STYX: variants seen among roughly 807,000 people sequenced by gnomAD.
STYX encodes the protein serine/threonine/tyrosine interacting protein.
A neutral mutation model predicts 42.7 loss-of-function variants in STYX; 20 were observed. The ratio of observed to expected loss-of-function variants is 0.47; its 90% CI spans 0.33 to 0.68. STYX has a LOEUF of 0.68. Among genes scored for constraint, STYX ranks in the 30% least tolerant of loss-of-function variants. The probability of loss-of-function intolerance (pLI) is 0.02; values close to 1 mark genes in which losing one functional copy is unlikely to be tolerated. For missense variants in STYX, 226 were observed against 268.5 expected (o/e 0.84, Z 1.11); for synonymous variants, 78 against 81.9 (o/e 0.95, Z 0.26).
intron 3 of STYX, 81 bp from the exon 4 acceptor site, chr14:52,750,602 C>A: frequency 1.1e-6 from 1 of 920,486 alleles, no homozygotes; most frequent in Non-Finnish European, 1.6e-6. Flanking sequence ...TTTCAAACAT[C>A]TGTGTTATAT....
intron 3 of STYX, among the ~76,000 whole-genome samples, chr14:52,750,463 C>T (rs1881566938): frequency 6.6e-6 from 1 of 151,978 alleles, no homozygotes; most frequent in Non-Finnish European, 1.5e-5. Context: ...ATGAAATATC[C>T]CTGTTAACCT....
chr14:52,739,632 C>CTTTTTTTTTTTTT (rs58454717), intron 1 of STYX, among the ~76,000 whole-genome samples: 10 of 65,728 alleles, frequency 1.5e-4, no homozygotes, highest in African/African-American at 3.2e-4. Context: ...TCCTTTCTTT[C>CTTTTTTTTTTTTT]TTTTTTTTTT....
At chr14:52,737,097 G>A (rs1880985371) in intron 1 of STYX, among the ~76,000 whole-genome samples, 1 of 152,010 alleles carries the variant, frequency 6.6e-6, no homozygotes, top group African/African-American at 2.4e-5. Context: ...TACAATTTGT[G>A]TTTTATTTTA....
intron 7 of STYX, 24 bp downstream of exon 7, chr14:52,757,806 C>T (rs1376503200): frequency 6.2e-7 from 1 of 1,612,672 alleles, no homozygotes. Context: ...AATAATCTTT[C>T]TTTCTATAAC....
chr14:52,770,425 A>C lies in STYX; in HGVS notation c.599-608A>C, dbSNP rs567202376. Among the ~76,000 whole-genome samples, 40 of 152,202 alleles carry C rather than the reference A, an allele frequency of 2.6e-4. No homozygotes were observed. In the South Asian group the frequency reaches 7.7e-3, roughly 29 times the overall value. On this transcript the variant is annotated intron_variant, in intron 10 of 10. Transcript: ENST00000354586. The stretch of plus-strand genomic sequence containing the variant: ...TAAAGTTTTCCTCCATTGAGAGTCT[A>C]ATTTCTTGATTATAACTTTTGGGGA...
chr14:52,744,719 C>A, intron 1 of STYX, 133 bp from the exon 2 acceptor site: 1 of 784,902 alleles, frequency 1.3e-6, no homozygotes, highest in Non-Finnish European at 2.0e-6. Context: ...ACCAAGTCTG[C>A]TATTTTAATA....
chr14:52,756,079 G>A (rs1479549520), intron 4 of STYX, among the ~76,000 whole-genome samples: 1 of 152,072 alleles, frequency 6.6e-6, no homozygotes, highest in East Asian at 1.9e-4. Flanking sequence ...GAGTGCAGTG[G>A]CCCAATCACA....
chr14:52,764,062 G>A (rs180737080), intron 9 of STYX, among the ~76,000 whole-genome samples: 4 of 151,898 alleles, frequency 2.6e-5, no homozygotes, highest in Non-Finnish European at 5.9e-5. Context: ...GTGCGATCTC[G>A]GCTCACTGCA....
intron 1 of STYX, among the ~76,000 whole-genome samples, chr14:52,738,072 G>A (rs930513620): frequency 1.2e-4 from 19 of 152,268 alleles, no homozygotes; most frequent in South Asian, 8.3e-4. Flanking sequence ...CACTGTGCCC[G>A]GCCAACAGGC....
chr14:52,738,033 C>G (rs1046232295), intron 1 of STYX, among the ~76,000 whole-genome samples: 2 of 152,164 alleles, frequency 1.3e-5, no homozygotes, highest in African/African-American at 4.8e-5. Context: ...TCCTTGGCCT[C>G]CCAAAGTGCT....
intron 1 of STYX, among the ~76,000 whole-genome samples, chr14:52,737,584 G>T (rs1380629930): frequency 6.6e-6 from 1 of 152,174 alleles, no homozygotes; most frequent in East Asian, 1.9e-4. Flanking sequence ...ATAGATCATT[G>T]CTGGTGATAT....
At chr14:52,747,884 C>T (rs980482379) in intron 3 of STYX, among the ~76,000 whole-genome samples, 2 of 152,138 alleles carry the variant, frequency 1.3e-5, no homozygotes, top group African/African-American at 4.8e-5. Flanking sequence ...CCCAGCTACT[C>T]GCGAGGCTGA....
At chr14:52,760,628 C>T (rs192263568) in intron 9 of STYX, among the ~76,000 whole-genome samples, 1 of 152,172 alleles carries the variant, frequency 6.6e-6, no homozygotes, top group Non-Finnish European at 1.5e-5. Flanking sequence ...TTATAGTTAC[C>T]AAGGTTTAAA....
intron 10 of STYX, among the ~76,000 whole-genome samples, chr14:52,769,387 C>T (rs1882430215): frequency 6.6e-6 from 1 of 152,106 alleles, no homozygotes; most frequent in Non-Finnish European, 1.5e-5. Context: ...GTGTTTATCA[C>T]CTTTGTTTCT....
At chr14:52,768,553 G>A (rs773275904) in intron 9 of STYX, among the ~76,000 whole-genome samples, 5 of 152,078 alleles carry the variant, frequency 3.3e-5, no homozygotes, top group African/African-American at 4.8e-5. Flanking sequence ...GTTTTTTGGG[G>A]TTTTTTTAAA....
intron 2 of STYX, 34 bp downstream of exon 2, chr14:52,744,918 A>G: frequency 6.2e-7 from 1 of 1,605,684 alleles, no homozygotes; most frequent in Non-Finnish European, 8.5e-7. Flanking sequence ...AAACCAACCC[A>G]TGTTATTATC....
chr14:52,730,322 C>T lies in STYX; in HGVS notation c.-153C>T. On this transcript the variant is annotated 5_prime_UTR_variant, in exon 1 of 11. Coordinates refer to ENST00000354586, the MANE Select transcript of STYX (RefSeq NM_145251.4). Reference sequence around the variant, plus strand: ...CGCCGCTGCTGGAGTCACTGGGACCCTGTAGTCTGCGTGTGTTAGTTGTAA... The same window carrying T: ...CGCCGCTGCTGGAGTCACTGGGACCTTGTAGTCTGCGTGTGTTAGTTGTAA... 1 of 721,310 alleles carries T rather than the reference C, an allele frequency of 1.4e-6. No homozygotes were observed. Among genetic ancestry groups the T allele is most frequent in the Non-Finnish European group, 2.4e-6 (1 of 415,654 alleles). 44.7% of individuals were successfully genotyped at this position (721,310 alleles called of 1,614,324 possible). A position where few individuals can be genotyped will look rare whatever the true frequency, so the allele number is the denominator to read the frequency against.
intron 1 of STYX, among the ~76,000 whole-genome samples, chr14:52,734,906 A>T (rs892218788): frequency 3.3e-5 from 5 of 152,080 alleles, no homozygotes; most frequent in Non-Finnish European, 7.4e-5. Context: ...CTTAAAAAAA[A>T]ATTAGCCAGG....
chr14:52,733,061 T>G (rs551722827), intron 1 of STYX, among the ~76,000 whole-genome samples: 7 of 152,230 alleles, frequency 4.6e-5, no homozygotes, highest in Admixed American at 4.6e-4. Flanking sequence ...ACATTCCAGG[T>G]GAAGAAATTG....
Sources: allele counts gnomAD v4.1 joint callset (sites outside exome capture counted in the v4.1 genomes callset), GRCh38; gene constraint gnomAD v4.1.1; transcripts MANE v1.5; gene names NCBI Gene and HGNC (gene_info 2026-07-23, HGNC 2026-07-21).